The following ZFP36L1 variants were observed in gnomAD, a reference collection of about 807,000 sequenced individuals.
ZFP36L1 encodes the protein mRNA decay activator protein ZFP36L1.
A neutral mutation model predicts 16.7 loss-of-function variants in ZFP36L1; 4 were observed. That is an observed-to-expected ratio of 0.24 (90% CI 0.12 to 0.55). ZFP36L1 has a LOEUF of 0.55. ZFP36L1 is among the 20% of genes least tolerant of loss of function. The pLI is 0.94. For synonymous variants in ZFP36L1, 220 were observed against 190.8 expected (o/e 1.15, Z -1.26); for missense variants, 311 against 449.2 (o/e 0.69, Z 2.78).
At chr14:68,791,389 G>T (rs1304066890) in intron 1 of ZFP36L1, 2 of 440,944 alleles carry the variant, frequency 4.5e-6, no homozygotes, top group Non-Finnish European at 8.0e-6. Flanking sequence ...GGGGATGGGG[G>T]CAGAGCCACC....
At chr14:68,795,778 T>C (rs1387348763), upstream of ZFP36L1, 8 of 534,842 alleles carry the variant, frequency 1.5e-5, no homozygotes, top group Non-Finnish European at 2.7e-5. Context: ...CTTTTTTAAA[T>C]TGTCGGGTTG....
intron 1 of ZFP36L1, 143 bp from the exon 2 acceptor site, chr14:68,790,635 C>T (rs1895044611): frequency 8.5e-7 from 1 of 1,173,752 alleles, no homozygotes; most frequent in African/African-American, 1.5e-5. Context: ...TCCCTTCCCT[C>T]TCTCCCTCCC....
rs750030944 is a variant in ZFP36L1, at chr14:68,789,739, C to A, written c.811G>T (p.Gly271Cys). The A allele has an allele frequency of 6.2e-6, 10 of 1,613,924 alleles. No individual in the cohort carries two copies. In the African/African-American group the frequency reaches 1.3e-4, roughly 22 times the overall value. ...LFAPSMGLPG[G>C]GSPTTFLFRP... ...AAGAGGAAGGTGGTCGGGGAGCCAC[C>A]CCCGGGCAGCCCCATGCTAGGGGCA... The change falls in exon 2 of 2, where the codon GGT becomes TGT. Residue 271 changes from glycine (G) to cysteine (C), a missense_variant. Physicochemically the swap from Gly to Cys is radical, Grantham distance 159. Coordinates refer to ENST00000439696, the MANE Select transcript of ZFP36L1 (RefSeq NM_004926.4). The surrounding 1 kb of genome is among the most constrained non-coding windows in gnomAD (Gnocchi z 4.5).
Position 68,792,987 on chromosome 14 carries a change from G to C in ZFP36L1, c.-49C>G. The stretch of plus-strand genomic sequence containing the variant: ...GGCGAGGATCTGGTGTGTCGCGAAG[G>C]TCCCGGTGCGGGGAAGGCGCAGCCT... On this transcript the variant is annotated 5_prime_UTR_variant, in exon 1 of 2. Transcript: ENST00000439696. 1 of 1,611,890 alleles carries C rather than the reference G, an allele frequency of 6.2e-7. No individual in the cohort carries two copies. Among genetic ancestry groups the C allele is most frequent in the African/African-American group, 1.3e-5 (1 of 75,030 alleles).
At chr14:68,792,159 T>C (rs901322332) in intron 1 of ZFP36L1, among the ~76,000 whole-genome samples, 2 of 151,600 alleles carry the variant, frequency 1.3e-5, no homozygotes, top group Admixed American at 6.6e-5. Context: ...GACTCTCGAG[T>C]TCAAGCCAGC....
At position 68,791,824 on chromosome 14, in the gene ZFP36L1, T is replaced by A. The variant is rs545308468; in HGVS notation, c.57+1058A>T. Reference sequence around the variant, plus strand: ...AACTTTTTAAATGCTACTCTTCAGCTCCTCGGCGTCCCTGCACCCCAACCC... The same window carrying A: ...AACTTTTTAAATGCTACTCTTCAGCACCTCGGCGTCCCTGCACCCCAACCC... On this transcript the variant is annotated intron_variant, in intron 1 of 1. Coordinates refer to ENST00000439696, the MANE Select transcript of ZFP36L1 (RefSeq NM_004926.4). Among the ~76,000 whole-genome samples, 236 of 152,292 alleles carry A rather than the reference T, an allele frequency of 1.5e-3. 1 individual carries two copies. Among genetic ancestry groups the A allele is most frequent in the African/African-American group, 5.4e-3 (223 of 41,558 alleles).
upstream of ZFP36L1, chr14:68,793,312 CACA>C (rs1030910588): frequency 2.2e-5 from 22 of 1,014,290 alleles, no homozygotes; most frequent in African/African-American, 3.5e-4. Flanking sequence ...GTGAGCCGCG[CACA>C]ACTTTTTTTT....
At chr14:68,791,682 T>G (rs1208073388) in intron 1 of ZFP36L1, among the ~76,000 whole-genome samples, 1 of 149,382 alleles carries the variant, frequency 6.7e-6, no homozygotes, top group East Asian at 2.0e-4. Context: ...AAGAAAGAAA[T>G]AGATCAAAGA....
upstream of ZFP36L1, chr14:68,794,547 CG>C (rs1403941088): frequency 6.6e-6 from 1 of 152,332 alleles, no homozygotes; most frequent in Admixed American, 6.5e-5. Flanking sequence ...CGGGCTCCGC[CG>C]CCCCCCTCGG....
chr14:68,789,702 G>C lies in ZFP36L1; in HGVS notation c.848C>G (p.Ser283Cys). The change falls in exon 2 of 2, where the codon TCC becomes TGC. Residue 283 changes from serine (S) to cysteine (C), a missense_variant. Physicochemically the swap from Ser to Cys is moderately radical, Grantham distance 112. Coordinates refer to ENST00000439696, the MANE Select transcript of ZFP36L1 (RefSeq NM_004926.4). This position sits in a 1 kb window ranked among gnomAD's most constrained non-coding sequence, Gnocchi z 4.5. ...SPTTFLFRPM[S>C]ESPHMFDSPP... ...AGAGTCAAACATGTGAGGGGACTCG[G>C]ACATGGGCCGGAAGAGGAAGGTGGT... 6.2e-7 allele frequency: 1 copy of C among 1,614,096 alleles called. No individual in the cohort carries two copies. The highest frequency in any genetic ancestry group is 8.5e-7 in the Non-Finnish European group (1 of 1,180,004).
At position 68,788,593 on chromosome 14, in the gene ZFP36L1, T is replaced by A. The variant is rs991481075; in HGVS notation, c.*940A>T. The A allele has an allele frequency of 4.2e-5, 6 of 143,434 alleles. No homozygotes were observed. Among genetic ancestry groups the A allele is most frequent in the African/African-American group, 1.5e-4 (6 of 39,090 alleles). The allele number at this position is 143,434 out of a possible 1,614,324, so 8.9% of individuals were successfully genotyped here. ...ATACCATTAACTGCTCACCCCTTACTTTTTTTTTTTTAGCTTTTCTCTCAT... is the reference window on the plus strand; with the variant it reads ...ATACCATTAACTGCTCACCCCTTACATTTTTTTTTTTAGCTTTTCTCTCAT... On this transcript the variant is annotated 3_prime_UTR_variant, in exon 2 of 2. Coordinates refer to ENST00000439696, the MANE Select transcript of ZFP36L1 (RefSeq NM_004926.4).
upstream of ZFP36L1, chr14:68,796,186 C>G (rs1426601993): frequency 7.3e-7 from 1 of 1,366,586 alleles, no homozygotes; most frequent in Non-Finnish European, 9.8e-7. Context: ...GAGGGGCGGC[C>G]CAGGTATTTT....
In ZFP36L1 at chr14:68,793,011, C is replaced by T. The variant is rs867650276; in HGVS notation, c.-73G>A. ...GGTCCCGGTGCGGGGAAGGCGCAGC[C>T]TCTCCTGTCTGGAGTCCCACACGCC... On this transcript the variant is annotated 5_prime_UTR_variant, in exon 1 of 2. Transcript: ENST00000439696. The T allele has an allele frequency of 2.5e-6, 4 of 1,607,926 alleles. No individual in the cohort carries two copies. In the Middle Eastern group the frequency reaches 5.0e-4, roughly 201 times the overall value.
Position 68,789,883 on chromosome 14 carries a change from G to A in ZFP36L1, c.667C>T (p.Pro223Ser). 6.2e-7 allele frequency: 1 copy of A among 1,610,426 alleles called. No homozygotes were observed. ...TAAATGLLDS[P>S]TSITPPPILS... ...ATAGGGGGTGGGGTGATGGACGTGG[G>A]GCTGTCCAGCAGCCCGGTGGCAGCG... Residue 223 changes from proline (P) to serine (S), a missense_variant, in exon 2 of 2, where the codon CCC (proline) becomes TCC (serine). Around this residue, in one of 4 missense-constraint regions of ZFP36L1, gnomAD observed 147 missense variants for 192.0 expected, o/e 0.77. Transcript: ENST00000439696. This position sits in a 1 kb window ranked among gnomAD's most constrained non-coding sequence, Gnocchi z 4.5.
upstream of ZFP36L1, chr14:68,793,931 G>C (rs74060165): frequency 1.6e-5 from 16 of 983,872 alleles, no homozygotes; most frequent in Non-Finnish European, 1.9e-5. Context: ...TGGGCGGGTG[G>C]GGGGCGCCGC....
upstream of ZFP36L1, chr14:68,793,829 G>A (rs1895177965): frequency 1.0e-6 from 1 of 984,800 alleles, no homozygotes; most frequent in African/African-American, 1.7e-5. Flanking sequence ...TTCCCCAGGA[G>A]GACATGGTCT....
upstream of ZFP36L1, chr14:68,793,605 G>C: frequency 4.1e-6 from 4 of 986,010 alleles, no homozygotes; most frequent in Non-Finnish European, 4.8e-6. Flanking sequence ...TCCATCTTGA[G>C]CTGGCGGTCT....
Position 68,792,770 on chromosome 14 carries a change from A to T in ZFP36L1, c.57+112T>A, listed in dbSNP as rs1056754701. 8.6e-5 allele frequency: 123 copies of T among 1,436,104 alleles called. No individual in the cohort carries two copies. In the African/African-American group the frequency reaches 1.6e-3, roughly 19 times the overall value. 89.0% of individuals were successfully genotyped at this position (1,436,104 alleles called of 1,614,324 possible). A position where few individuals can be genotyped will look rare whatever the true frequency, so the allele number is the denominator to read the frequency against. ...AGAAATGCCGGAGGAGAAAAGAATC[A>T]TCTCGCTGCACCACTTTCCCCATTG... On this transcript the variant is annotated intron_variant, in intron 1 of 1. Coordinates refer to ENST00000439696, the MANE Select transcript of ZFP36L1 (RefSeq NM_004926.4).
intron 1 of ZFP36L1, among the ~76,000 whole-genome samples, chr14:68,792,587 G>C (rs1225880624): frequency 1.3e-5 from 2 of 152,172 alleles, no homozygotes; most frequent in Admixed American, 6.5e-5. Context: ...CCCAAAACTT[G>C]TCCCAATCCC....
Sources: gnomAD v4.1 joint callset for allele counts (sites outside exome capture counted in the v4.1 genomes callset) on GRCh38, gnomAD v4.1.1 for gene constraint, gnomAD v4.1.1 regional missense constraint, Gnocchi (gnomAD v3.1) non-coding constraint, MANE v1.5 for transcripts, NCBI Gene and HGNC (gene_info 2026-07-23, HGNC 2026-07-21) for gene names.